NHSL1: variants seen among roughly 807,000 people sequenced by gnomAD.
NHSL1 encodes NHS-like protein 1.
A neutral mutation model predicts 95.0 loss-of-function variants in NHSL1; 48 were observed. That is an observed-to-expected ratio of 0.51 (90% CI 0.40 to 0.64). The LOEUF is 0.64. NHSL1 is among the 30% of genes least tolerant of loss of function. The probability of loss-of-function intolerance (pLI) is 0.00; values close to 1 mark genes in which losing one functional copy is unlikely to be tolerated. For synonymous variants in NHSL1, 783 were observed against 833.9 expected, an observed-to-expected ratio of 0.94 and a Z score of 1.05; for missense variants, 1,971 against 2,077.7, an observed-to-expected ratio of 0.95 and a Z score of 1.00.
chr6:138,445,290 C>T (rs1776794858), intron 4 of NHSL1, among the ~76,000 whole-genome samples: 1 of 152,076 alleles, frequency 6.6e-6, no homozygotes, highest in Non-Finnish European at 1.5e-5. Flanking sequence ...AATGTAATTA[C>T]ATTTCTGCTG....
At chr6:138,495,795 C>A (rs1351479773) in intron 2 of NHSL1, among the ~76,000 whole-genome samples, 1 of 152,218 alleles carries the variant, frequency 6.6e-6, no homozygotes, top group Non-Finnish European at 1.5e-5. Context: ...CATAGTTCCA[C>A]ATGGCTGGGG....
chr6:138,654,663 C>T (rs1466242427), intron 1 of NHSL1, among the ~76,000 whole-genome samples: 3 of 151,894 alleles, frequency 2.0e-5, no homozygotes, highest in African/African-American at 4.8e-5. Context: ...TCTGGGCCAA[C>T]GATTCCTCCA....
chr6:138,598,968 A>C (rs78116124), intron 1 of NHSL1, among the ~76,000 whole-genome samples: 3,798 of 152,326 alleles, frequency 0.025, 65 homozygotes, highest in Middle Eastern at 0.061. Context: ...GCAAGAGTCC[A>C]AGGTCAGAGC....
intron 1 of NHSL1, among the ~76,000 whole-genome samples, chr6:138,537,033 C>T (rs1412901198): frequency 6.6e-6 from 1 of 152,158 alleles, no homozygotes; most frequent in African/African-American, 2.4e-5. Flanking sequence ...GACATTTCCA[C>T]CTATATAAGG....
upstream of NHSL1, among the ~76,000 whole-genome samples, chr6:138,575,523 T>C (rs1382343489): frequency 1.3e-5 from 2 of 152,244 alleles, no homozygotes; most frequent in African/African-American, 4.8e-5. Flanking sequence ...TACGTTTGTA[T>C]AATAACCAAT....
At chr6:138,660,890 G>A (rs556270814) in intron 1 of NHSL1, among the ~76,000 whole-genome samples, 1 of 152,186 alleles carries the variant, frequency 6.6e-6, no homozygotes, top group South Asian at 2.1e-4. Flanking sequence ...TCAGGAGTTC[G>A]AGATCAGCCT....
intron 3 of NHSL1, among the ~76,000 whole-genome samples, chr6:138,451,506 A>C (rs1777239418): frequency 6.6e-6 from 1 of 152,160 alleles, no homozygotes; most frequent in Non-Finnish European, 1.5e-5. Context: ...TATAAGTTCC[A>C]TGAAGCTTTG....
intron 4 of NHSL1, among the ~76,000 whole-genome samples, chr6:138,442,502 T>A (rs1299798266): frequency 6.6e-6 from 1 of 152,240 alleles, no homozygotes; most frequent in Admixed American, 6.5e-5. Context: ...GTATGTTTCA[T>A]TCATCTGGTC....
At chr6:138,467,169 T>A (rs933819966) in intron 3 of NHSL1, among the ~76,000 whole-genome samples, 34 of 151,852 alleles carry the variant, frequency 2.2e-4, no homozygotes, top group Admixed American at 2.2e-3. Context: ...ATATATATTT[T>A]TTTGAGACGG....
chr6:138,593,881 T>C (rs1456401605), intron 1 of NHSL1, among the ~76,000 whole-genome samples: 1 of 152,170 alleles, frequency 6.6e-6, no homozygotes, highest in Non-Finnish European at 1.5e-5. Context: ...TGTCAGAAAT[T>C]AACTCTAAGA....
chr6:138,434,312 T>C (rs1775920878), intron 5 of NHSL1, among the ~76,000 whole-genome samples: 1 of 152,136 alleles, frequency 6.6e-6, no homozygotes, highest in Middle Eastern at 3.2e-3. Context: ...TGTTGTGTTC[T>C]AGTTGGGGAA....
chr6:138,560,509 TG>T (rs749315645), intron 1 of NHSL1, among the ~76,000 whole-genome samples: 1 of 152,176 alleles, frequency 6.6e-6, no homozygotes, highest in Admixed American at 6.5e-5. Flanking sequence ...CTTTTTATAA[TG>T]GGAATAGAGT....
intron 1 of NHSL1, among the ~76,000 whole-genome samples, chr6:138,565,173 C>A (rs545808020): frequency 1.3e-4 from 20 of 150,434 alleles, no homozygotes; most frequent in Non-Finnish European, 2.4e-4. Flanking sequence ...GTGGTGAGAT[C>A]TCGGCTCACT....
chr6:138,598,366 G>T (rs771340314), intron 1 of NHSL1, among the ~76,000 whole-genome samples: 1 of 151,978 alleles, frequency 6.6e-6, no homozygotes, highest in African/African-American at 2.4e-5. Flanking sequence ...GCTAAGGCAG[G>T]AGAATCGCTT....
At chr6:138,676,466 ATTGT>A (rs1321088761) in intron 1 of NHSL1, among the ~76,000 whole-genome samples, 2 of 152,198 alleles carry the variant, frequency 1.3e-5, no homozygotes, top group South Asian at 4.1e-4. Flanking sequence ...GCTAATATTT[ATTGT>A]TTATTATAGA....
At chr6:138,445,998 G>T (rs1038158640) in intron 4 of NHSL1, among the ~76,000 whole-genome samples, 3 of 151,118 alleles carry the variant, frequency 2.0e-5, no homozygotes, top group Non-Finnish European at 4.4e-5. Context: ...CATGCTCCTT[G>T]TGGGCTATGG....
chr6:138,529,031 A>G (rs915034019), intron 1 of NHSL1, among the ~76,000 whole-genome samples: 7 of 152,162 alleles, frequency 4.6e-5, no homozygotes, highest in Non-Finnish European at 1.0e-4. Context: ...CTACTACCCA[A>G]AACAATCTTC....
intron 1 of NHSL1, among the ~76,000 whole-genome samples, chr6:138,629,468 C>T (rs536961867): frequency 2.3e-4 from 35 of 152,132 alleles, no homozygotes; most frequent in Admixed American, 8.5e-4. Flanking sequence ...CTGCACCCTC[C>T]GCCTCCCAAG....
At chr6:138,660,904 C>T (rs902164396) in intron 1 of NHSL1, among the ~76,000 whole-genome samples, 1 of 152,052 alleles carries the variant, frequency 6.6e-6, no homozygotes, top group African/African-American at 2.4e-5. Context: ...TCAGCCTGGC[C>T]AACATGGTGA....
Sources: gnomAD v4.1 joint callset for allele counts (sites outside exome capture counted in the v4.1 genomes callset) on GRCh38, gnomAD v4.1.1 for gene constraint, MANE v1.5 for transcripts, NCBI Gene and HGNC (gene_info 2026-07-23, HGNC 2026-07-21) for gene names.